The following BCAP29 variants were observed in gnomAD, a reference collection of about 807,000 sequenced individuals.
BCAP29 encodes the protein B-cell receptor-associated protein 29.
In BCAP29, 34 loss-of-function variants were observed where a neutral mutation model predicts 31.8. That is an observed-to-expected ratio of 1.07 (90% CI 0.81 to 1.42). The LOEUF is 1.42. Among genes scored for constraint, BCAP29 ranks in the 40% most tolerant of loss-of-function variants. The pLI is 0.00. For synonymous variants in BCAP29, 104 were observed against 91.3 expected (o/e 1.14, Z -0.79); for missense variants, 314 against 269.2 (o/e 1.17, Z -1.16).
At chr7:107,606,492 T>C (rs1812126777) in intron 6 of BCAP29, among the ~76,000 whole-genome samples, 1 of 152,210 alleles carries the variant, frequency 6.6e-6, no homozygotes, top group Non-Finnish European at 1.5e-5. Flanking sequence ...TTTTGAAGAA[T>C]GTTTCATGCA....
In BCAP29 at chr7:107,601,762, A is replaced by G. The variant is rs536469782; in HGVS notation, c.589+1257A>G. ...ATATTGCTACCAATTCTTTTGAAGA[A>G]TGAAACCATCTATTTCCAAAACACA... On this transcript the variant is annotated intron_variant, in intron 6 of 7. Transcript: ENST00000005259. 6.6e-5 allele frequency among the ~76,000 whole-genome samples: 10 copies of G among 152,350 alleles called. No individual in the cohort carries two copies. The South Asian group carries it at 1.9e-3, about 28-fold the overall frequency.
downstream of BCAP29, chr7:107,621,709 A>C (rs1167155315): frequency 2.1e-6 from 1 of 472,248 alleles, no homozygotes; most frequent in East Asian, 6.9e-5. Context: ...ATGGAGCCGC[A>C]GCAAAGGAAT....
chr7:107,592,826 A>G (rs1809121949), intron 3 of BCAP29, among the ~76,000 whole-genome samples: 1 of 152,228 alleles, frequency 6.6e-6, no homozygotes, highest in African/African-American at 2.4e-5. Context: ...AGGAAGCCAG[A>G]CACAAAAGAG....
intron 7 of BCAP29, chr7:107,613,847 T>G (rs1396007469): frequency 1.4e-6 from 1 of 707,772 alleles, no homozygotes; most frequent in East Asian, 2.8e-5. Flanking sequence ...GGACAAGACT[T>G]TAGCATTCAA....
At chr7:107,583,713 T>A (rs1226559159) in intron 2 of BCAP29, among the ~76,000 whole-genome samples, 169 bp from the exon 3 acceptor site, 2 of 152,176 alleles carry the variant, frequency 1.3e-5, no homozygotes, top group Non-Finnish European at 2.9e-5. Context: ...AAGAGTTGTT[T>A]TTTAATTCAT....
chr7:107,589,976 A>C (rs1808429795), intron 3 of BCAP29, among the ~76,000 whole-genome samples: 2 of 152,194 alleles, frequency 1.3e-5, no homozygotes, highest in African/African-American at 4.8e-5. Flanking sequence ...AGAAATCAGT[A>C]ACAGAAATCT....
intron 4 of BCAP29, 64 bp downstream of exon 4, chr7:107,594,169 T>G: frequency 6.8e-7 from 1 of 1,460,936 alleles, no homozygotes; most frequent in Non-Finnish European, 9.4e-7. Context: ...CTTTCTCATT[T>G]TGTCCACCTT....
At chr7:107,599,210 A>T (rs58713285) in intron 5 of BCAP29, among the ~76,000 whole-genome samples, 3 of 126,286 alleles carry the variant, frequency 2.4e-5, no homozygotes, top group Non-Finnish European at 3.2e-5. Flanking sequence ...CATATTTATA[A>T]ATATATATAT....
At chr7:107,605,720 G>A (rs1317506257) in intron 6 of BCAP29, among the ~76,000 whole-genome samples, 1 of 152,222 alleles carries the variant, frequency 6.6e-6, no homozygotes, top group Non-Finnish European at 1.5e-5. Flanking sequence ...TACTTTGAAT[G>A]CCTTGGTGTT....
chr7:107,605,480 A>G (rs1811922249), intron 6 of BCAP29, among the ~76,000 whole-genome samples: 1 of 152,216 alleles, frequency 6.6e-6, no homozygotes, highest in Admixed American at 6.5e-5. Context: ...TGAATCAAGG[A>G]ATGTTCCAGG....
At position 107,580,250 on chromosome 7, in the gene BCAP29, C is replaced by T. The variant is rs914060698; in HGVS notation, c.-66C>T. On this transcript the variant is annotated 5_prime_UTR_variant, in exon 1 of 8. Transcript: ENST00000005259. ...CGCCCAGCCGCGGCGTCTGACGTCCCGCGCGTCGGCGGCCGCGGAGCAGCG... is the reference window on the plus strand; with the variant it reads ...CGCCCAGCCGCGGCGTCTGACGTCCTGCGCGTCGGCGGCCGCGGAGCAGCG... 1.3e-5 allele frequency: 2 copies of T among 151,996 alleles called. No homozygotes were observed. The highest frequency in any genetic ancestry group is 2.9e-5 in the Non-Finnish European group (2 of 67,962). 9.4% of individuals were successfully genotyped at this position (151,996 alleles called of 1,614,324 possible). A position where few individuals can be genotyped will look rare whatever the true frequency, so the allele number is the denominator to read the frequency against.
chr7:107,590,849 G>A (rs1808600518), intron 3 of BCAP29, among the ~76,000 whole-genome samples: 1 of 150,212 alleles, frequency 6.7e-6, no homozygotes, highest in Admixed American at 6.6e-5. Context: ...AAGAAAGAAA[G>A]AAAGAAATAA....
In BCAP29 at chr7:107,583,300, T is replaced by TATA. The variant is rs1554473309; in HGVS notation, c.93-582_93-581insATA. On this transcript the variant is annotated intron_variant, in intron 2 of 7. Coordinates refer to ENST00000005259, the MANE Select transcript of BCAP29 (RefSeq NM_018844.4). ...CTTTATCTGTAGTAATTACATGGTTTTATATATATATATATAGTGTGTGTG... is the reference window on the plus strand; with the variant it reads ...CTTTATCTGTAGTAATTACATGGTTTATATATATATATATATATAGTGTGTGTG... Among the ~76,000 whole-genome samples the TATA allele has an allele frequency of 7.6e-3, 1,136 of 150,344 alleles. 10 individuals carry two copies. Among genetic ancestry groups the TATA allele is most frequent in the African/African-American group, 0.026 (1,070 of 41,176 alleles).
At chr7:107,580,398 C>T (rs866518251) in intron 1 of BCAP29, 97 bp downstream of exon 1, 2 of 222,124 alleles carry the variant, frequency 9.0e-6, no homozygotes, top group South Asian at 6.3e-5. Flanking sequence ...TGGCCTGGCC[C>T]GACCCGGCCC....
chr7:107,609,547 A>G (rs1812764170), intron 6 of BCAP29, among the ~76,000 whole-genome samples: 1 of 152,232 alleles, frequency 6.6e-6, no homozygotes. Flanking sequence ...TGTGAGGTTA[A>G]AAGAGATTAG....
intron 3 of BCAP29, among the ~76,000 whole-genome samples, chr7:107,591,686 C>T (rs1563129039): frequency 1.3e-5 from 1 of 76,986 alleles, no homozygotes; most frequent in Non-Finnish European, 2.5e-5. Flanking sequence ...CTGGAGAACC[C>T]TTACATCTTA....
chr7:107,589,724 A>G (rs1373016765), intron 3 of BCAP29, among the ~76,000 whole-genome samples: 2 of 152,224 alleles, frequency 1.3e-5, no homozygotes, highest in African/African-American at 4.8e-5. Flanking sequence ...TCTCTTCACC[A>G]AGATACACTA....
chr7:107,610,788 G>A (rs547738313), intron 6 of BCAP29, among the ~76,000 whole-genome samples: 2 of 152,056 alleles, frequency 1.3e-5, no homozygotes, highest in African/African-American at 4.8e-5. Flanking sequence ...TTTTAAAAAG[G>A]AACTACTGGG....
At chr7:107,580,951 C>G (rs1270105012) in intron 2 of BCAP29, 87 bp downstream of exon 2, 2 of 971,522 alleles carry the variant, frequency 2.1e-6, no homozygotes, top group Non-Finnish European at 2.9e-6. Flanking sequence ...TAAAAAGTTT[C>G]GAAAGTCTTT....
Sources: gnomAD v4.1 joint callset for allele counts (sites outside exome capture counted in the v4.1 genomes callset) on GRCh38, gnomAD v4.1.1 for gene constraint, MANE v1.5 for transcripts, NCBI Gene and HGNC (gene_info 2026-07-23, HGNC 2026-07-21) for gene names.